CLIP1: variants seen among roughly 807,000 people sequenced by gnomAD.
The protein encoded by CLIP1 is CAP-Gly domain-containing linker protein 1.
Under a neutral mutation model 161.6 loss-of-function variants are expected in CLIP1, and 66 were observed. The observed-to-expected ratio is 0.41, with a 90% confidence interval of 0.33 to 0.50. The LOEUF is 0.50. CLIP1 is among the 20% of genes least tolerant of loss of function. CLIP1 has a pLI of 0.27. For missense variants in CLIP1, 1,376 were observed against 1,702.0 expected, an observed-to-expected ratio of 0.81 and a Z score of 3.37; for synonymous variants, 598 against 626.2, an observed-to-expected ratio of 0.96 and a Z score of 0.67.
intron 1 of CLIP1, among the ~76,000 whole-genome samples, chr12:122,393,034 G>A (rs760384641): frequency 3.3e-5 from 5 of 151,972 alleles, no homozygotes; most frequent in East Asian, 1.9e-4. Flanking sequence ...CACCCACCTC[G>A]GCCTCCCAAA....
chr12:122,341,523 C>A lies in CLIP1; in HGVS notation c.1681G>T (p.Val561Phe). 6.2e-7 allele frequency: 1 copy of A among 1,614,066 alleles called. No homozygotes were observed. Among genetic ancestry groups the A allele is most frequent in the Non-Finnish European group, 8.5e-7 (1 of 1,180,022 alleles). The part of the protein sequence containing the change: ...EISSLQEKLE[V>F]TRTDHQREIT... The stretch of plus-strand genomic sequence containing the variant: ...TCTCTCTGGTGGTCAGTACGGGTGA[C>A]TTCTAACTTTTCTTGCAAAGAGCTT... Residue 561 changes from valine to phenylalanine, a missense_variant, in exon 11 of 26, where the codon GTC becomes TTC. This residue lies in a region of CLIP1 where 948 missense variants were observed against 1,134.8 expected (regional missense o/e 0.84). Transcript: ENST00000620786.
rs1170647379 is a variant in CLIP1 at position 122,271,914 on chromosome 12, C to T, written c.*961G>A. 1.3e-5 allele frequency: 2 copies of T among 152,342 alleles called. No individual in the cohort carries two copies. Among genetic ancestry groups the T allele is most frequent in the East Asian group, 3.9e-4 (2 of 5,194 alleles). 9.4% of individuals were successfully genotyped at this position (152,342 alleles called of 1,614,324 possible). On this transcript the variant is annotated 3_prime_UTR_variant, in exon 26 of 26. Coordinates refer to ENST00000620786, the MANE Select transcript of CLIP1 (RefSeq NM_001247997.2). The stretch of plus-strand genomic sequence containing the variant: ...ATACTGGCTTATTGTTAATTGACTG[C>T]TGGGGATACCTGCCAGAGAAGGAAA...
chr12:122,287,934 A>C lies in CLIP1; in HGVS notation c.3647+555T>G, dbSNP rs540963958. Among the ~76,000 whole-genome samples, 9 of 152,322 alleles carry C rather than the reference A, an allele frequency of 5.9e-5. No individual in the cohort carries two copies. The East Asian group carries it at 1.7e-3, about 29-fold the overall frequency. ...GGAGGTAACAGTGGTGTAACATGAG[A>C]CAATCTGATTTTAGATCACTTCTGA... On this transcript the variant is annotated intron_variant, in intron 21 of 25. Transcript: ENST00000620786.
At chr12:122,275,623 A>C (rs1296433457) in intron 24 of CLIP1, 2 of 124,190 alleles carry the variant, frequency 1.6e-5, no homozygotes, top group Non-Finnish European at 3.2e-5. Flanking sequence ...AAAAGAAAAA[A>C]ATACACACAC....
At chr12:122,376,943 A>G (rs1316209340) in intron 3 of CLIP1, among the ~76,000 whole-genome samples, 1 of 151,956 alleles carries the variant, frequency 6.6e-6, no homozygotes, top group African/African-American at 2.4e-5. Context: ...TAATTTCTCT[A>G]TAAAAGAGTG....
At position 122,278,815 on chromosome 12, in the gene CLIP1, T is replaced by G. The variant is rs1355046582; in HGVS notation, c.3893A>C (p.Lys1298Thr). Residue 1298 changes from lysine (K) to threonine (T), a missense_variant, in exon 23 of 26, where the codon AAG (lysine) becomes ACG (threonine). Physicochemically the swap from Lys to Thr is moderately conservative, Grantham distance 78 (BLOSUM62 -1). Transcript: ENST00000620786. ...ACCTGAGGAGCTGCTGAGCTGCCTC[T>G]TGTTTTCTTTGAGTTGAAGCTCCAA... ...KNLELQLKEN[K>T]RQLSSSSGNT... 1.2e-6 allele frequency: 2 copies of G among 1,606,360 alleles called. No individual in the cohort carries two copies. The highest frequency in any genetic ancestry group is 1.7e-6 in the Non-Finnish European group (2 of 1,177,078).
intron 7 of CLIP1, 108 bp downstream of exon 7, chr12:122,354,345 A>G (rs1208494450): frequency 2.8e-6 from 2 of 705,648 alleles, no homozygotes; most frequent in Non-Finnish European, 4.9e-6. Flanking sequence ...TAGTGAGCTG[A>G]GATTGCACCA....
intron 1 of CLIP1, among the ~76,000 whole-genome samples, chr12:122,383,323 C>T (rs7294849): frequency 0.03 from 4,513 of 152,284 alleles, 165 homozygotes; most frequent in African/African-American, 0.084. Context: ...GTCAAGCACT[C>T]CCTAAAGAGG....
chr12:122,342,674 T>TA (rs1215659210), intron 10 of CLIP1: 4 of 151,770 alleles, frequency 2.6e-5, no homozygotes, highest in Non-Finnish European at 5.9e-5. Flanking sequence ...TTGCAAAAAA[T>TA]AAAAAATTAG....
At chr12:122,274,378 G>C in intron 24 of CLIP1, 1 of 470,160 alleles carries the variant, frequency 2.1e-6, no homozygotes, top group Non-Finnish European at 3.9e-6. Flanking sequence ...CCATGTCTAG[G>C]TGGTAAGGCT....
chr12:122,317,699 C>T (rs1450374211), intron 18 of CLIP1, among the ~76,000 whole-genome samples: 1 of 152,238 alleles, frequency 6.6e-6, no homozygotes, highest in Non-Finnish European at 1.5e-5. Flanking sequence ...GGAGCTATCT[C>T]CTTTTGCCAT....
chr12:122,377,046 C>T (rs573821142), intron 3 of CLIP1, among the ~76,000 whole-genome samples: 1 of 147,826 alleles, frequency 6.8e-6, no homozygotes, highest in Non-Finnish European at 1.5e-5. Flanking sequence ...GTCTCACTCT[C>T]TCGCCCAGGC....
At chr12:122,416,623 G>A (rs1956766289) in intron 1 of CLIP1, among the ~76,000 whole-genome samples, 1 of 152,026 alleles carries the variant, frequency 6.6e-6, no homozygotes, top group Non-Finnish European at 1.5e-5. Context: ...CATGGTGGCC[G>A]AGAGCAGTGG....
chr12:122,349,359 C>G lies in CLIP1; in HGVS notation c.1401+1752G>C, dbSNP rs560041665. ...AGATCTTTCAGATAAGCGTAGCCAA[C>G]GCCTCCTTACTGATGGGTCTATATA... On this transcript the variant is annotated intron_variant, in intron 9 of 25. Coordinates refer to ENST00000620786, the MANE Select transcript of CLIP1 (RefSeq NM_001247997.2). 1.5e-4 allele frequency among the ~76,000 whole-genome samples: 23 copies of G among 152,368 alleles called. No homozygotes were observed. In the South Asian group the frequency reaches 4.8e-3, roughly 32 times the overall value.
intron 24 of CLIP1, chr12:122,277,914 CAAAT>C: frequency 2.1e-6 from 1 of 474,852 alleles, no homozygotes; most frequent in Non-Finnish European, 3.7e-6. Context: ...AGGAAAGACA[CAAAT>C]AACAGTAATT....
At chr12:122,416,092 T>A (rs187106543) in intron 1 of CLIP1, among the ~76,000 whole-genome samples, 2 of 149,088 alleles carry the variant, frequency 1.3e-5, no homozygotes, top group Non-Finnish European at 3.0e-5. Context: ...ACAAAAACTA[T>A]CTGGGCGTGG....
At chr12:122,392,335 C>T (rs532900815) in intron 1 of CLIP1, among the ~76,000 whole-genome samples, 1 of 152,122 alleles carries the variant, frequency 6.6e-6, no homozygotes, top group Non-Finnish European at 1.5e-5. Context: ...AGACCATAGC[C>T]TTCTCAAAAC....
Position 122,319,398 on chromosome 12 carries a change from C to G in CLIP1, c.3250-50G>C, listed in dbSNP as rs147915878. The G allele has an allele frequency of 3.6e-6, 5 of 1,387,270 alleles. No individual in the cohort carries two copies. In the African/African-American group the frequency reaches 7.1e-5, roughly 20 times the overall value. 85.9% of individuals were successfully genotyped at this position (1,387,270 alleles called of 1,614,324 possible). A position where few individuals can be genotyped will look rare whatever the true frequency, so the allele number is the denominator to read the frequency against. On this transcript the variant is annotated intron_variant, in intron 17 of 25. Transcript: ENST00000620786. The stretch of plus-strand genomic sequence containing the variant: ...AAATGAGGACAGCCCTCGCCAACAC[C>G]GTTAGGTGAGGATCGGGCTGTGCTG...
At chr12:122,336,092 C>A (rs1952203621) in intron 12 of CLIP1, among the ~76,000 whole-genome samples, 1 of 152,084 alleles carries the variant, frequency 6.6e-6, no homozygotes, top group Admixed American at 6.6e-5. Context: ...ATACATATGC[C>A]ATACAACTTG....
Sources: gnomAD v4.1 joint callset for allele counts (sites outside exome capture counted in the v4.1 genomes callset) on GRCh38, gnomAD v4.1.1 for gene constraint, gnomAD v4.1.1 regional missense constraint, MANE v1.5 for transcripts, NCBI Gene and HGNC (gene_info 2026-07-23, HGNC 2026-07-21) for gene names.